MYO3B: variants seen among roughly 807,000 people sequenced by gnomAD.
MYO3B encodes the protein myosin IIIB.
A neutral mutation model predicts 174.6 loss-of-function variants in MYO3B; 156 were observed. The ratio of observed to expected loss-of-function variants is 0.89; its 90% confidence interval spans 0.78 to 1.02. MYO3B has a LOEUF of 1.02. MYO3B is among the 50% of genes least tolerant of loss of function. The pLI, the probability that MYO3B is intolerant of heterozygous loss-of-function variation, is 0.00. For synonymous variants in MYO3B, 563 were observed against 569.1 expected (o/e 0.99, Z 0.15); for missense variants, 1,632 against 1,639.4 (o/e 1.00, Z 0.08).
At chr2:170,560,693 T>C (rs1199909440) in intron 32 of MYO3B, among the ~76,000 whole-genome samples, 1 of 152,142 alleles carries the variant, frequency 6.6e-6, no homozygotes, top group Non-Finnish European at 1.5e-5. Flanking sequence ...AAGGAGCCGT[T>C]TTTATGCCAG....
chr2:170,207,279 A>AG (rs2105351160), intron 3 of MYO3B, among the ~76,000 whole-genome samples: 1 of 152,230 alleles, frequency 6.6e-6, no homozygotes, highest in Admixed American at 6.5e-5. Context: ...GGCCTATCTA[A>AG]GGGTTGCTGG....
At chr2:170,434,289 A>T (rs1449730303) in intron 22 of MYO3B, among the ~76,000 whole-genome samples, 2 of 152,128 alleles carry the variant, frequency 1.3e-5, no homozygotes, top group African/African-American at 4.8e-5. Flanking sequence ...TCCCGGGCTC[A>T]ACTTGTTATA....
intron 22 of MYO3B, among the ~76,000 whole-genome samples, chr2:170,423,500 T>C (rs1317096548): frequency 2.0e-5 from 3 of 152,180 alleles, no homozygotes; most frequent in Admixed American, 1.3e-4. Context: ...AATATTTATT[T>C]TCTTGTGTAC....
chr2:170,608,681 GAGACAGAC>G (rs555173210), intron 32 of MYO3B, among the ~76,000 whole-genome samples: 1 of 152,040 alleles, frequency 6.6e-6, no homozygotes, highest in African/African-American at 2.4e-5. Context: ...GAGAGAGAGA[GAGACAGAC>G]AGACAGACAG....
At chr2:170,518,707 C>T (rs10165799) in intron 29 of MYO3B, among the ~76,000 whole-genome samples, 98,628 of 152,026 alleles carry the variant, frequency 0.65, 32,642 homozygotes, top group East Asian at 0.84. Context: ...ACCCTACCTG[C>T]AGAGTCTCTG....
chr2:170,343,159 C>A (rs1007184995), intron 8 of MYO3B, among the ~76,000 whole-genome samples: 4 of 151,814 alleles, frequency 2.6e-5, no homozygotes, highest in Non-Finnish European at 5.9e-5. Context: ...CAGAGTCAAG[C>A]CAGATGTGGT....
chr2:170,438,047 G>A (rs1464614746), intron 22 of MYO3B, among the ~76,000 whole-genome samples: 1 of 152,026 alleles, frequency 6.6e-6, no homozygotes, highest in African/African-American at 2.4e-5. Context: ...CATATTATGT[G>A]ACTAAAACTC....
intron 9 of MYO3B, among the ~76,000 whole-genome samples, chr2:170,373,920 G>A (rs1395173536): frequency 9.9e-5 from 15 of 152,014 alleles, no homozygotes; most frequent in Admixed American, 9.8e-4. Flanking sequence ...TTCACTATGA[G>A]GAATATGATA....
At chr2:170,485,445 C>T (rs1001281432) in intron 25 of MYO3B, among the ~76,000 whole-genome samples, 2 of 112,780 alleles carry the variant, frequency 1.8e-5, no homozygotes, top group Admixed American at 9.1e-5. Context: ...AGAGAGAGAG[C>T]GAGTGAGTTA....
intron 32 of MYO3B, among the ~76,000 whole-genome samples, chr2:170,636,316 C>T (rs1697468102): frequency 6.6e-6 from 1 of 151,964 alleles, no homozygotes; most frequent in Non-Finnish European, 1.5e-5. Context: ...TTGAAGATAA[C>T]CTAACTTCCA....
chr2:170,500,102 C>T (rs891460036), intron 27 of MYO3B, among the ~76,000 whole-genome samples: 2 of 152,016 alleles, frequency 1.3e-5, no homozygotes, highest in African/African-American at 4.8e-5. Flanking sequence ...CTTTCCGTGT[C>T]CTGAAGATTT....
At position 170,252,371 on chromosome 2, in the gene MYO3B, G is replaced by T. The variant is rs553054716; in HGVS notation, c.749+16235G>T. 3.3e-5 allele frequency among the ~76,000 whole-genome samples: 5 copies of T among 152,318 alleles called. No individual in the cohort carries two copies. The East Asian group carries it at 9.6e-4, about 29-fold the overall frequency. On this transcript the variant is annotated intron_variant, in intron 7 of 34. Coordinates refer to ENST00000408978, the MANE Select transcript of MYO3B (RefSeq NM_138995.5). Reference sequence around the variant, plus strand: ...ACAAAATTGTAAGTAAGGAAAGAATGACCTTAGGTGAAAAATGTTTGCCAA... The same window carrying T: ...ACAAAATTGTAAGTAAGGAAAGAATTACCTTAGGTGAAAAATGTTTGCCAA...
intron 32 of MYO3B, among the ~76,000 whole-genome samples, chr2:170,562,444 GA>G (rs1691774117): frequency 6.6e-6 from 1 of 151,822 alleles, no homozygotes; most frequent in African/African-American, 2.4e-5. Context: ...ATTTAGAGAA[GA>G]ATTATGATAT....
At chr2:170,225,668 C>T (rs1413838386) in intron 6 of MYO3B, among the ~76,000 whole-genome samples, 1 of 152,076 alleles carries the variant, frequency 6.6e-6, no homozygotes, top group Admixed American at 6.5e-5. Flanking sequence ...AATAAAAAAG[C>T]ACAAATTTTA....
intron 28 of MYO3B, among the ~76,000 whole-genome samples, chr2:170,510,724 A>AC (rs1687923063): frequency 6.6e-6 from 1 of 150,726 alleles, no homozygotes; most frequent in South Asian, 2.1e-4. Flanking sequence ...CTTGACATCC[A>AC]CCCCCCTCAC....
In MYO3B at chr2:170,573,942, A is replaced by T. The variant is rs191269917; in HGVS notation, c.3733+29954A>T. Among the ~76,000 whole-genome samples the T allele has an allele frequency of 3.5e-3, 535 of 152,230 alleles. 1 individual carries two copies. Among genetic ancestry groups the T allele is most frequent in the Non-Finnish European group, 4.1e-3 (279 of 67,998 alleles). ...AGTGACTGCCTTGTTATTATTTCTT[A>T]CTAGTGCTTAGAGTTGGAATATGCC... On this transcript the variant is annotated intron_variant, in intron 32 of 34. Transcript: ENST00000408978.
intron 7 of MYO3B, among the ~76,000 whole-genome samples, chr2:170,304,479 T>C (rs1300630635): frequency 1.3e-5 from 2 of 150,338 alleles, no homozygotes; most frequent in East Asian, 3.9e-4. Context: ...TTTTTTTTTT[T>C]TTTGAGACAG....
In MYO3B at chr2:170,543,892, C is replaced by T; in HGVS notation, c.3637C>T (p.His1213Tyr). 3 of 1,611,788 alleles carry T rather than the reference C, an allele frequency of 1.9e-6. No homozygotes were observed. The highest frequency in any genetic ancestry group is 2.5e-6 in the Non-Finnish European group (3 of 1,178,366). Residue 1213 changes from histidine to tyrosine, a missense_variant and splice_region_variant, in exon 32 of 35, where the codon CAC (histidine) becomes TAC (tyrosine). Transcript: ENST00000408978. The part of the protein sequence containing the change: ...CDIFAGHANK[H>Y]SVSGTDLLSS... ...TTTCTCTTACTGGGTTTTTCTGAAG[C>T]ACTCGGTTTCTGGGACTGATTTGCT...
At chr2:170,284,325 A>T (rs1261042359) in intron 7 of MYO3B, among the ~76,000 whole-genome samples, 1 of 152,192 alleles carries the variant, frequency 6.6e-6, no homozygotes, top group Non-Finnish European at 1.5e-5. Context: ...TATCATTATC[A>T]GTTAAACTGT....
Sources: gnomAD v4.1 joint callset for allele counts (sites outside exome capture counted in the v4.1 genomes callset) on GRCh38, gnomAD v4.1.1 for gene constraint, MANE v1.5 for transcripts, NCBI Gene and HGNC (gene_info 2026-07-23, HGNC 2026-07-21) for gene names.